Variants in ADAMTSL3 observed in about 807,000 individuals in gnomAD.
ADAMTSL3 encodes ADAMTS like 3.
A neutral mutation model predicts 201.7 loss-of-function variants in ADAMTSL3; 128 were observed. That is an observed-to-expected ratio of 0.63 (90% confidence interval 0.55 to 0.73). The LOEUF (loss-of-function observed/expected upper bound fraction) is 0.73. Ranked by LOEUF, ADAMTSL3 falls within the 30% of genes least tolerant of loss-of-function variation. The probability of loss-of-function intolerance (pLI) is 0.00; values close to 1 mark genes in which losing one functional copy is unlikely to be tolerated. For synonymous variants in ADAMTSL3, 738 were observed against 748.4 expected, an observed-to-expected ratio of 0.99 and a Z score of 0.23; for missense variants, 1,990 against 2,119.6, an observed-to-expected ratio of 0.94 and a Z score of 1.20.
At chr15:83,819,036 G>T (rs1158607989) in intron 5 of ADAMTSL3, among the ~76,000 whole-genome samples, 1 of 152,130 alleles carries the variant, frequency 6.6e-6, no homozygotes. Context: ...ACTTTGGGAG[G>T]CCGACACAGG....
intron 5 of ADAMTSL3, among the ~76,000 whole-genome samples, chr15:83,818,476 G>A (rs1396900772): frequency 5.3e-5 from 8 of 152,044 alleles, no homozygotes; most frequent in Admixed American, 3.3e-4. Flanking sequence ...ACAGGCATGC[G>A]CCACCACACC....
At chr15:84,002,600 C>G (rs1187672552) in intron 23 of ADAMTSL3, among the ~76,000 whole-genome samples, 1 of 152,138 alleles carries the variant, frequency 6.6e-6, no homozygotes, top group African/African-American at 2.4e-5. Context: ...CATCATTAGA[C>G]CAATGGGTAA....
Position 84,039,482 on chromosome 15 carries a change from A to G in ADAMTSL3, c.*1676A>G, listed in dbSNP as rs1288347828. 1 of 152,668 alleles carries G rather than the reference A, an allele frequency of 6.6e-6. No homozygotes were observed. The highest frequency in any genetic ancestry group is 2.4e-5 in the African/African-American group (1 of 41,470). The allele number at this position is 152,668 out of a possible 1,614,324, so 9.5% of individuals were successfully genotyped here. A position where few individuals can be genotyped will look rare whatever the true frequency, so the allele number is the denominator to read the frequency against. ...CCAGCCCATTAGTTGTTAATCATCA[A>G]TCACATCTGATTGTTGAAGGTTATT... On this transcript the variant is annotated 3_prime_UTR_variant, in exon 30 of 30. Transcript: ENST00000286744.
At chr15:83,725,122 A>C (rs1567101086) in intron 3 of ADAMTSL3, among the ~76,000 whole-genome samples, 2 of 151,854 alleles carry the variant, frequency 1.3e-5, no homozygotes, top group Admixed American at 1.3e-4. Context: ...TTTTTGAGGA[A>C]CCTCCATACT....
At position 83,866,689 on chromosome 15, in the gene ADAMTSL3, A is replaced by G. The variant is rs557016412; in HGVS notation, c.803-4113A>G. ...ACGAGTTAATGTGTGCAGCGCACCAACATGGCACATGTATACATATGTAAC... is the reference window on the plus strand; with the variant it reads ...ACGAGTTAATGTGTGCAGCGCACCAGCATGGCACATGTATACATATGTAAC... On this transcript the variant is annotated intron_variant, in intron 8 of 29. Transcript: ENST00000286744. Among the ~76,000 whole-genome samples, 361 of 152,308 alleles carry G rather than the reference A, an allele frequency of 2.4e-3. 19 individuals carry two copies. In the South Asian group the frequency reaches 0.073, roughly 31 times the overall value.
intron 9 of ADAMTSL3, among the ~76,000 whole-genome samples, chr15:83,881,930 G>A (rs1217579295): frequency 2.0e-5 from 3 of 151,990 alleles, no homozygotes; most frequent in African/African-American, 7.2e-5. Flanking sequence ...GAGGTGGGCG[G>A]ATCATGAGAT....
At chr15:83,904,155 TC>T (rs1357444839) in intron 15 of ADAMTSL3, among the ~76,000 whole-genome samples, 2 of 151,604 alleles carry the variant, frequency 1.3e-5, no homozygotes. Flanking sequence ...CAGCACCTGT[TC>T]CCTGGCCCAA....
chr15:83,680,516 T>TG (rs2061464111), intron 2 of ADAMTSL3, among the ~76,000 whole-genome samples: 1 of 150,222 alleles, frequency 6.7e-6, no homozygotes, highest in Non-Finnish European at 1.5e-5. Flanking sequence ...AGTTGTTGTT[T>TG]TTTTTTTTTT....
intron 17 of ADAMTSL3, among the ~76,000 whole-genome samples, chr15:83,934,774 C>A (rs182588558): frequency 2.5e-4 from 38 of 152,106 alleles, no homozygotes; most frequent in African/African-American, 8.4e-4. Flanking sequence ...CAAAAATACC[C>A]CCAAAAATAT....
intron 5 of ADAMTSL3, among the ~76,000 whole-genome samples, chr15:83,810,016 C>T (rs2063667851): frequency 6.6e-6 from 1 of 152,052 alleles, no homozygotes; most frequent in Admixed American, 6.6e-5. Flanking sequence ...TGACTGAGAG[C>T]TCAAGCCATA....
intron 2 of ADAMTSL3, among the ~76,000 whole-genome samples, chr15:83,690,179 C>G (rs933891261): frequency 1.9e-4 from 29 of 152,280 alleles, no homozygotes; most frequent in African/African-American, 6.7e-4. Flanking sequence ...AGCGGCCTCA[C>G]TAGTTTCCCT....
intron 3 of ADAMTSL3, among the ~76,000 whole-genome samples, chr15:83,764,416 T>C (rs752253552): frequency 1.3e-5 from 2 of 152,182 alleles, no homozygotes; most frequent in Non-Finnish European, 2.9e-5. Flanking sequence ...AATGGGAAGC[T>C]GACCTGCATG....
chr15:83,704,055 T>C (rs1309336445), intron 2 of ADAMTSL3, among the ~76,000 whole-genome samples: 1 of 132,398 alleles, frequency 7.6e-6, no homozygotes, highest in Non-Finnish European at 1.6e-5. Context: ...CTAAAAACAA[T>C]AGATTTGCAA....
At chr15:83,859,392 G>A (rs941197653) in intron 8 of ADAMTSL3, among the ~76,000 whole-genome samples, 1 of 152,208 alleles carries the variant, frequency 6.6e-6, no homozygotes, top group South Asian at 2.1e-4. Context: ...GACAAAGAAA[G>A]GCAGTCAGAG....
At chr15:83,960,631 AG>A (rs2066949426) in intron 19 of ADAMTSL3, among the ~76,000 whole-genome samples, 1 of 152,086 alleles carries the variant, frequency 6.6e-6, no homozygotes, top group Admixed American at 6.6e-5. Context: ...TGAAAGAAGG[AG>A]GGGGGAGGGG....
In ADAMTSL3 at chr15:83,924,085, C is replaced by G. The variant is rs746044027; in HGVS notation, c.2117+52C>G. The G allele has an allele frequency of 1.9e-6, 3 of 1,599,224 alleles. No homozygotes were observed. In the East Asian group the frequency reaches 6.8e-5, roughly 36 times the overall value. On this transcript the variant is annotated intron_variant, in intron 17 of 29. Coordinates refer to ENST00000286744, the MANE Select transcript of ADAMTSL3 (RefSeq NM_207517.3). ...TATACCGTGTCCGGGTGGTAACACC[C>G]TCCCTGCAGAGAAACCCACCTAAGT...
intron 3 of ADAMTSL3, among the ~76,000 whole-genome samples, chr15:83,766,097 T>C (rs1377015112): frequency 6.6e-6 from 1 of 152,184 alleles, no homozygotes; most frequent in Non-Finnish European, 1.5e-5. Flanking sequence ...GCAGGGTTGG[T>C]ATGTTCAGTG....
intron 6 of ADAMTSL3, among the ~76,000 whole-genome samples, chr15:83,829,423 C>G (rs2064102252): frequency 6.6e-6 from 1 of 152,086 alleles, no homozygotes; most frequent in East Asian, 1.9e-4. Context: ...CTCTTTTCTT[C>G]TTTATTAGTC....
At chr15:83,683,084 T>A (rs1023885704) in intron 2 of ADAMTSL3, among the ~76,000 whole-genome samples, 15 of 152,192 alleles carry the variant, frequency 9.9e-5, no homozygotes, top group Admixed American at 9.8e-4. Flanking sequence ...AGGCATTGGC[T>A]CAACAAAACT....
Sources: allele counts gnomAD v4.1 joint callset (sites outside exome capture counted in the v4.1 genomes callset), GRCh38; gene constraint gnomAD v4.1.1; transcripts MANE v1.5; gene names NCBI Gene and HGNC (gene_info 2026-07-23, HGNC 2026-07-21).